ELL: variants seen among roughly 807,000 people sequenced by gnomAD.
ELL encodes RNA polymerase II elongation factor ELL.
A neutral mutation model predicts 64.0 loss-of-function variants in ELL; 18 were observed. The ratio of observed to expected loss-of-function variants is 0.28; its 90% CI spans 0.19 to 0.42. The LOEUF (loss-of-function observed/expected upper bound fraction) is 0.42. ELL is among the 10% of genes least tolerant of loss of function. The pLI, the probability that ELL is intolerant of heterozygous loss-of-function variation, is 1.00. For synonymous variants in ELL, 399 were observed against 376.2 expected (o/e 1.06, Z -0.70); for missense variants, 797 against 870.4 (o/e 0.92, Z 1.06).
At chr19:18,499,905 A>C (rs1975745358) in intron 1 of ELL, among the ~76,000 whole-genome samples, 1 of 152,132 alleles carries the variant, frequency 6.6e-6, no homozygotes, top group Admixed American at 6.6e-5. Flanking sequence ...GACCTTTCTC[A>C]AAACTGCATC....
chr19:18,483,415 A>G (rs1242097480), intron 1 of ELL, among the ~76,000 whole-genome samples: 4 of 152,154 alleles, frequency 2.6e-5, no homozygotes, highest in African/African-American at 9.7e-5. Context: ...ATGTCTGTCC[A>G]TTCCTGCGTC....
chr19:18,490,024 CG>C (rs997510441), intron 1 of ELL, among the ~76,000 whole-genome samples: 5 of 152,158 alleles, frequency 3.3e-5, no homozygotes, highest in Admixed American at 3.3e-4. Flanking sequence ...CACCTGCACG[CG>C]GGGCCAGCCA....
At chr19:18,488,131 GGA>G in intron 1 of ELL, among the ~76,000 whole-genome samples, 1 of 152,326 alleles carries the variant, frequency 6.6e-6, no homozygotes, top group East Asian at 1.9e-4. Flanking sequence ...AGGTGAGCAG[GGA>G]GAGAGGTAGG....
At chr19:18,494,298 A>G (rs1283310674) in intron 1 of ELL, among the ~76,000 whole-genome samples, 1 of 152,120 alleles carries the variant, frequency 6.6e-6, no homozygotes, top group Non-Finnish European at 1.5e-5. Context: ...GAGAGAGAGA[A>G]AAAGGAGAGA....
At chr19:18,513,014 G>C (rs573407841) in intron 1 of ELL, among the ~76,000 whole-genome samples, 1 of 152,318 alleles carries the variant, frequency 6.6e-6, no homozygotes, top group African/African-American at 2.4e-5. Context: ...GAAGGACAGG[G>C]GTGTTAACAG....
chr19:18,496,217 G>C (rs1383047080), intron 1 of ELL, among the ~76,000 whole-genome samples: 1 of 152,236 alleles, frequency 6.6e-6, no homozygotes, highest in Non-Finnish European at 1.5e-5. Flanking sequence ...TGATACCAGA[G>C]CTGTGACGGC....
At chr19:18,494,262 G>A (rs1436678721) in intron 1 of ELL, among the ~76,000 whole-genome samples, 1 of 152,056 alleles carries the variant, frequency 6.6e-6, no homozygotes, top group Non-Finnish European at 1.5e-5. Flanking sequence ...GGGAAGGGGA[G>A]GGGAAGGGAA....
At chr19:18,516,503 C>T (rs1227668171) in intron 1 of ELL, among the ~76,000 whole-genome samples, 1 of 152,202 alleles carries the variant, frequency 6.6e-6, no homozygotes, top group African/African-American at 2.4e-5. Flanking sequence ...CTGTCTCCTG[C>T]CACTAGAATG....
rs571042361 is a variant in ELL at position 18,444,236 on chromosome 19, A to C, written c.*516T>G. The C allele has an allele frequency of 2.7e-3, 629 of 232,358 alleles. 1 individual carries two copies. The highest frequency in any genetic ancestry group is 9.0e-3 in the Middle Eastern group (7 of 780). 14.4% of individuals were successfully genotyped at this position (232,358 alleles called of 1,614,324 possible). A position where few individuals can be genotyped will look rare whatever the true frequency, so the allele number is the denominator to read the frequency against. The stretch of plus-strand genomic sequence containing the variant: ...AGCAGAGGCCACCTGCCCATTCCCC[A>C]CGCCCTCAGAACGCAGCTGCACCTT... On this transcript the variant is annotated 3_prime_UTR_variant, in exon 12 of 12. Transcript: ENST00000262809.
intron 6 of ELL, among the ~76,000 whole-genome samples, chr19:18,456,563 T>C (rs1302439892): frequency 1.3e-5 from 2 of 151,182 alleles, no homozygotes. Context: ...GAGAGGGGAG[T>C]GGCTCAGGTT....
intron 6 of ELL, among the ~76,000 whole-genome samples, chr19:18,455,748 A>C (rs1344353464): frequency 6.6e-6 from 1 of 152,048 alleles, no homozygotes; most frequent in African/African-American, 2.4e-5. Flanking sequence ...TAGTAAATTA[A>C]GAGACAGGAT....
intron 1 of ELL, among the ~76,000 whole-genome samples, chr19:18,487,091 G>C (rs970050398): frequency 2.0e-5 from 3 of 152,208 alleles, no homozygotes; most frequent in Non-Finnish European, 4.4e-5. Flanking sequence ...GGCCCTGTGC[G>C]TGTAGACCCT....
chr19:18,446,284 A>G (rs1157453553), intron 10 of ELL, 25 bp downstream of exon 10: 1 of 1,540,530 alleles, frequency 6.5e-7, no homozygotes, highest in African/African-American at 1.4e-5. Context: ...GAGCCAGGGC[A>G]CAGTAGGCAG....
At chr19:18,444,984 G>A in intron 11 of ELL, 116 bp from the exon 12 acceptor site, 1 of 1,234,444 alleles carries the variant, frequency 8.1e-7, no homozygotes, top group Non-Finnish European at 1.1e-6. Flanking sequence ...CAGCAAGGAG[G>A]GTTGTGGTCC....
At chr19:18,489,580 T>G (rs1297840256) in intron 1 of ELL, among the ~76,000 whole-genome samples, 4 of 152,106 alleles carry the variant, frequency 2.6e-5, no homozygotes, top group Admixed American at 6.5e-5. Context: ...ATTGGATCAC[T>G]CCCTGCACAC....
intron 1 of ELL, among the ~76,000 whole-genome samples, chr19:18,507,870 A>G (rs1457184287): frequency 6.6e-6 from 1 of 152,122 alleles, no homozygotes; most frequent in Non-Finnish European, 1.5e-5. Context: ...CTGGAGGCAG[A>G]CGCCTGACCC....
intron 1 of ELL, among the ~76,000 whole-genome samples, chr19:18,487,218 G>A (rs1975437420): frequency 1.3e-5 from 2 of 152,186 alleles, no homozygotes; most frequent in African/African-American, 4.8e-5. Flanking sequence ...GGGCTCCAGA[G>A]GCTTCTGGGA....
rs370021965 is a variant in ELL at position 18,459,583 on chromosome 19, T to C, written c.745-1254A>G. Among the ~76,000 whole-genome samples, 16 of 145,086 alleles carry C rather than the reference T, an allele frequency of 1.1e-4. No individual in the cohort carries two copies. In the East Asian group the frequency reaches 3.3e-3, roughly 30 times the overall value. On this transcript the variant is annotated intron_variant, in intron 5 of 11. Coordinates refer to ENST00000262809, the MANE Select transcript of ELL (RefSeq NM_006532.4). Reference sequence around the variant, plus strand: ...TGCCCAGGCTAGAGTGCAATGGCGCTATCTTGGCTCACTGCAAGCTCCGCC... The same window carrying C: ...TGCCCAGGCTAGAGTGCAATGGCGCCATCTTGGCTCACTGCAAGCTCCGCC...
intron 6 of ELL, among the ~76,000 whole-genome samples, chr19:18,453,097 C>A (rs552546586): frequency 6.6e-6 from 1 of 152,248 alleles, no homozygotes; most frequent in Non-Finnish European, 1.5e-5. Flanking sequence ...CATGGTGAAA[C>A]CCCGTCTCTC....
Sources: gnomAD v4.1 joint callset for allele counts (sites outside exome capture counted in the v4.1 genomes callset) on GRCh38, gnomAD v4.1.1 for gene constraint, MANE v1.5 for transcripts, NCBI Gene and HGNC (gene_info 2026-07-23, HGNC 2026-07-21) for gene names.